PDZRN3: variants seen among roughly 807,000 people sequenced by gnomAD.
The protein encoded by PDZRN3 is PDZ domain containing ring finger 3.
Under a neutral mutation model 85.7 loss-of-function variants are expected in PDZRN3, and 38 were observed. The observed-to-expected ratio is 0.44, with a 90% CI of 0.34 to 0.58. The LOEUF (loss-of-function observed/expected upper bound fraction) is 0.58. Ranked by LOEUF, PDZRN3 falls within the 20% of genes least tolerant of loss-of-function variation. PDZRN3 has a pLI of 0.01. For synonymous variants in PDZRN3, 759 were observed against 638.0 expected (o/e 1.19, Z -2.86); for missense variants, 1,629 against 1,506.4 (o/e 1.08, Z -1.35).
At chr3:73,547,049 C>A (rs149093581) in intron 3 of PDZRN3, among the ~76,000 whole-genome samples, 1 of 152,276 alleles carries the variant, frequency 6.6e-6, no homozygotes, top group East Asian at 1.9e-4. Context: ...GGAAACAAGC[C>A]AGGACGTGCA....
chr3:73,476,066 T>C (rs1178751306), intron 3 of PDZRN3, among the ~76,000 whole-genome samples: 1 of 152,242 alleles, frequency 6.6e-6, no homozygotes, highest in Non-Finnish European at 1.5e-5. Flanking sequence ...CAGACCACTG[T>C]GGCAGTCAGC....
intron 3 of PDZRN3, chr3:73,594,006 A>G (rs1702398357): frequency 6.6e-6 from 1 of 152,174 alleles, no homozygotes; most frequent in African/African-American, 2.4e-5. Context: ...AGCACTCCAT[A>G]CTGTCCACTC....
At chr3:73,504,188 T>C (rs968354582) in intron 3 of PDZRN3, among the ~76,000 whole-genome samples, 27 of 152,230 alleles carry the variant, frequency 1.8e-4, no homozygotes, top group African/African-American at 5.8e-4. Flanking sequence ...AAAACAGTTA[T>C]ATGGTTAAAC....
intron 2 of PDZRN3, among the ~76,000 whole-genome samples, chr3:73,607,443 T>C (rs1456925722): frequency 1.3e-5 from 2 of 152,126 alleles, no homozygotes; most frequent in African/African-American, 4.8e-5. Context: ...TCCCAGGGCA[T>C]CATTAGCTGT....
chr3:73,527,676 A>C (rs1704556129), intron 3 of PDZRN3, among the ~76,000 whole-genome samples: 1 of 152,148 alleles, frequency 6.6e-6, no homozygotes, highest in African/African-American at 2.4e-5. Context: ...TCTTTCTTTG[A>C]GCTATTTAAA....
At chr3:73,489,856 G>C (rs1325426432) in intron 3 of PDZRN3, among the ~76,000 whole-genome samples, 1 of 152,042 alleles carries the variant, frequency 6.6e-6, no homozygotes, top group South Asian at 2.1e-4. Flanking sequence ...CCAGGCGTGA[G>C]CCACCACGCC....
intron 3 of PDZRN3, among the ~76,000 whole-genome samples, chr3:73,518,521 A>C (rs1224226996): frequency 6.6e-6 from 1 of 152,172 alleles, no homozygotes; most frequent in Non-Finnish European, 1.5e-5. Context: ...TTTATATTTT[A>C]CCACAATAAT....
chr3:73,531,719 T>C (rs1015459752), intron 3 of PDZRN3, among the ~76,000 whole-genome samples: 2 of 152,164 alleles, frequency 1.3e-5, no homozygotes, highest in African/African-American at 4.8e-5. Context: ...AAATTCCCAA[T>C]GCTACACACA....
chr3:73,403,364 C>T (rs1347550829), intron 4 of PDZRN3, among the ~76,000 whole-genome samples: 7 of 152,330 alleles, frequency 4.6e-5, no homozygotes, highest in East Asian at 1.9e-4. Flanking sequence ...ACTAAATTAA[C>T]GGTGATCGCT....
chr3:73,560,984 G>GCAACTAT (rs1361819934), intron 3 of PDZRN3, among the ~76,000 whole-genome samples: 1 of 152,168 alleles, frequency 6.6e-6, no homozygotes, highest in Non-Finnish European at 1.5e-5. Context: ...AGAAGAACAA[G>GCAACTAT]CAACTATGTA....
chr3:73,454,573 G>T (rs1315197748), intron 3 of PDZRN3, among the ~76,000 whole-genome samples: 2 of 152,178 alleles, frequency 1.3e-5, no homozygotes, highest in African/African-American at 4.8e-5. Context: ...GTTGTTATTG[G>T]AATTAATCTG....
At chr3:73,615,677 A>G (rs1370780753) in intron 1 of PDZRN3, among the ~76,000 whole-genome samples, 2 of 152,184 alleles carry the variant, frequency 1.3e-5, no homozygotes, top group African/African-American at 4.8e-5. Context: ...AGGGGTTCCT[A>G]GCCTCCAAAA....
intron 3 of PDZRN3, among the ~76,000 whole-genome samples, chr3:73,424,232 C>T (rs1298122597): frequency 6.6e-6 from 1 of 151,758 alleles, no homozygotes; most frequent in Non-Finnish European, 1.5e-5. Context: ...CATTAGAAAA[C>T]ATGATAAAGA....
In PDZRN3 at chr3:73,383,937, C is replaced by A. The variant is rs768761108; in HGVS notation, c.2629G>T (p.Ala877Ser). ...PYKHAHIPAH[A>S]QHYQSYMQLI... is the part of the protein sequence containing the mutation. ...TGCATGTAGCTCTGGTAGTGCTGGG[C>A]GTGCGCCGGGATGTGCGCGTGCTTG... Residue 877 changes from alanine (A) to serine (S), a missense_variant, in exon 10 of 10, where the codon GCC becomes TCC. Physicochemically the swap from Ala to Ser is moderately conservative, Grantham distance 99 (BLOSUM62 1). Transcript: ENST00000263666. 1 of 1,606,536 alleles carries A rather than the reference C, an allele frequency of 6.2e-7. No individual in the cohort carries two copies. Among genetic ancestry groups the A allele is most frequent in the African/African-American group, 1.3e-5 (1 of 74,978 alleles).
At chr3:73,387,230 A>G (rs764789442) in intron 8 of PDZRN3, among the ~76,000 whole-genome samples, 7 of 152,220 alleles carry the variant, frequency 4.6e-5, no homozygotes, top group Non-Finnish European at 7.3e-5. Context: ...AGCAGCATGA[A>G]AACGGACTAA....
intron 3 of PDZRN3, among the ~76,000 whole-genome samples, chr3:73,432,200 C>T (rs2106802052): frequency 6.6e-6 from 1 of 152,332 alleles, no homozygotes; most frequent in East Asian, 1.9e-4. Flanking sequence ...GAGAACTCCC[C>T]AGCTCACTGA....
intron 1 of PDZRN3, among the ~76,000 whole-genome samples, chr3:73,612,959 C>A (rs1275186705): frequency 1.3e-5 from 2 of 152,216 alleles, no homozygotes; most frequent in South Asian, 4.1e-4. Context: ...CATAGTTCAA[C>A]ACCGAGGTCA....
At chr3:73,510,254 T>C (rs1488108413) in intron 3 of PDZRN3, among the ~76,000 whole-genome samples, 1 of 152,170 alleles carries the variant, frequency 6.6e-6, no homozygotes, top group African/African-American at 2.4e-5. Context: ...AGCACGACCG[T>C]AATAAATATA....
At chr3:73,469,527 C>T (rs188957813) in intron 3 of PDZRN3, among the ~76,000 whole-genome samples, 49 of 152,286 alleles carry the variant, frequency 3.2e-4, no homozygotes, top group Admixed American at 2.2e-3. Context: ...ACCAACACTC[C>T]GTGCTTACTC....
Sources: gnomAD v4.1 joint callset for allele counts (sites outside exome capture counted in the v4.1 genomes callset) on GRCh38, gnomAD v4.1.1 for gene constraint, MANE v1.5 for transcripts, NCBI Gene and HGNC (gene_info 2026-07-23, HGNC 2026-07-21) for gene names.